The following MTMR10 variants were observed in gnomAD, a reference collection of about 807,000 sequenced individuals.
MTMR10 encodes the protein myotubularin-related protein 10.
A neutral mutation model predicts 88.1 loss-of-function variants in MTMR10; 56 were observed. That is an observed-to-expected ratio of 0.64 (90% CI 0.51 to 0.79). The LOEUF (loss-of-function observed/expected upper bound fraction) is 0.79. MTMR10 is among the 30% of genes least tolerant of loss of function. The pLI, the probability that MTMR10 is intolerant of heterozygous loss-of-function variation, is 0.00. For missense variants in MTMR10, 883 were observed against 924.7 expected, an observed-to-expected ratio of 0.95 and a Z score of 0.58; for synonymous variants, 380 against 340.9, an observed-to-expected ratio of 1.11 and a Z score of -1.26.
chr15:30,918,778 A>G, the MTMR10 span, among the ~76,000 whole-genome samples: 99,543 of 152,080 alleles, frequency 0.65, 33,165 homozygotes, highest in East Asian at 0.98. Context: ...TTCAATATTT[A>G]TTAAGACATT....
At chr15:30,974,528 T>G (rs2029968506) in intron 4 of MTMR10, 72 bp from the exon 5 acceptor site, 1 of 1,293,786 alleles carries the variant, frequency 7.7e-7, no homozygotes, top group African/African-American at 1.5e-5. Context: ...TAATACAAAT[T>G]CTTAGTGAAA....
the MTMR10 span, chr15:30,922,162 A>C: frequency 1.9e-6 from 3 of 1,550,990 alleles, no homozygotes; most frequent in East Asian, 4.5e-5. Context: ...TACCAATCCT[A>C]TGGGCTTGTA....
chr15:30,929,988 G>T, the MTMR10 span, among the ~76,000 whole-genome samples: 15 of 114,678 alleles, frequency 1.3e-4, no homozygotes, highest in African/African-American at 3.7e-4. Flanking sequence ...TAATATATAA[G>T]ATATCATATA....
At chr15:30,931,133 G>A in the MTMR10 span, among the ~76,000 whole-genome samples, 1 of 152,178 alleles carries the variant, frequency 6.6e-6, no homozygotes, top group Non-Finnish European at 1.5e-5. Context: ...GATGTGCTTA[G>A]TTCACATTGC....
chr15:30,931,018 T>C, the MTMR10 span, among the ~76,000 whole-genome samples: 1 of 152,180 alleles, frequency 6.6e-6, no homozygotes, highest in Admixed American at 6.5e-5. Context: ...CAGGAGCTAT[T>C]TTAGAAGCTT....
At chr15:30,943,487 T>C (rs2063118177) in intron 14 of MTMR10, 1 of 985,360 alleles carries the variant, frequency 1.0e-6, no homozygotes, top group Admixed American at 6.1e-5. Context: ...ACAAAATCTT[T>C]GGATGGAAAT....
At chr15:30,930,010 A>G in the MTMR10 span, among the ~76,000 whole-genome samples, 1 of 136,966 alleles carries the variant, frequency 7.3e-6, no homozygotes, top group African/African-American at 2.7e-5. Flanking sequence ...AATATAATGT[A>G]TAAAATATAT....
intron 2 of MTMR10, among the ~76,000 whole-genome samples, chr15:30,986,376 T>G (rs542893560): frequency 6.6e-6 from 1 of 151,834 alleles, no homozygotes; most frequent in African/African-American, 2.4e-5. Flanking sequence ...ATGTTCTCTG[T>G]GTGAGTGCTC....
intron 13 of MTMR10, 25 bp downstream of exon 13, chr15:30,948,277 T>C (rs2063199084): frequency 1.3e-6 from 2 of 1,596,190 alleles, no homozygotes; most frequent in Non-Finnish European, 1.7e-6. Flanking sequence ...TAAAGACTGA[T>C]AAAAAGGCAT....
In MTMR10 at chr15:30,943,566, ATCACAGACCACAGAC is replaced by A. The variant is rs111781690; in HGVS notation, c.1549-509_1549-495del. ...CACTTCACTGAGCCAGTGATCTCAA[ATCACAGACCACAGAC>A]TCAGGGTAGGAAGGAAGGGATCAAC... On this transcript the variant is annotated intron_variant, in intron 14 of 15. Transcript: ENST00000435680. 3.8e-4 allele frequency: 374 copies of A among 985,460 alleles called. 2 individuals are homozygous for A. The African/African-American group carries it at 5.4e-3, about 14-fold the overall frequency. 61.0% of individuals were successfully genotyped at this position (985,460 alleles called of 1,614,324 possible).
intron 6 of MTMR10, among the ~76,000 whole-genome samples, chr15:30,963,374 T>C (rs2063429075): frequency 6.6e-6 from 1 of 152,096 alleles, no homozygotes; most frequent in South Asian, 2.1e-4. Flanking sequence ...CTCATGCCTG[T>C]AATCCCAACA....
the MTMR10 span, among the ~76,000 whole-genome samples, chr15:30,932,807 G>A: frequency 6.7e-6 from 1 of 149,808 alleles, no homozygotes; most frequent in Admixed American, 6.7e-5. Context: ...CCGCCTCCTG[G>A]GTTCAAGTGA....
intron 12 of MTMR10, among the ~76,000 whole-genome samples, chr15:30,950,914 G>A (rs2063235653): frequency 6.6e-6 from 1 of 152,106 alleles, no homozygotes; most frequent in Non-Finnish European, 1.5e-5. Flanking sequence ...CTAATACAAT[G>A]TAAATGCTAT....
chr15:30,968,693 A>G (rs891662726), intron 5 of MTMR10, among the ~76,000 whole-genome samples: 2 of 152,284 alleles, frequency 1.3e-5, no homozygotes, highest in South Asian at 2.1e-4. Context: ...TACTTGCTAC[A>G]TAACATGTGT....
chr15:30,976,444 A>G (rs1005340346), intron 3 of MTMR10, among the ~76,000 whole-genome samples: 18 of 152,200 alleles, frequency 1.2e-4, no homozygotes, highest in African/African-American at 4.3e-4. Flanking sequence ...ACAACAAAAA[A>G]ACCTATGAAA....
intron 3 of MTMR10, 26 bp downstream of exon 3, chr15:30,976,793 T>C: frequency 6.2e-7 from 1 of 1,600,090 alleles, no homozygotes; most frequent in Non-Finnish European, 8.5e-7. Context: ...CCTGATAGAA[T>C]GAAACAGTGT....
In MTMR10 at chr15:30,940,925, C is replaced by T. The variant is rs1317019407; in HGVS notation, c.*545G>A. 9.5e-7 allele frequency: 1 copy of T among 1,050,702 alleles called. No homozygotes were observed. The highest frequency in any genetic ancestry group is 5.1e-5 in the Admixed American group (1 of 19,538). The allele number at this position is 1,050,702 out of a possible 1,614,324, so 65.1% of individuals were successfully genotyped here. ...TAAAAGCAAACTCATGATTTCAAAA[C>T]ACAGTGATCTAAGGTTCCAAAGAAG... On this transcript the variant is annotated 3_prime_UTR_variant, in exon 16 of 16. Coordinates refer to ENST00000435680, the MANE Select transcript of MTMR10 (RefSeq NM_017762.3).
At chr15:30,986,612 G>A (rs1295939636) in intron 2 of MTMR10, among the ~76,000 whole-genome samples, 1 of 151,984 alleles carries the variant, frequency 6.6e-6, no homozygotes, top group African/African-American at 2.4e-5. Context: ...CAGAATAAAA[G>A]ACAATCTTTT....
At chr15:30,964,780 G>C (rs964313831) in intron 6 of MTMR10, among the ~76,000 whole-genome samples, 3 of 152,186 alleles carry the variant, frequency 2.0e-5, no homozygotes, top group Non-Finnish European at 4.4e-5. Context: ...GACTAAGCGT[G>C]AAATAGATAT....
Sources: allele counts gnomAD v4.1 joint callset (sites outside exome capture counted in the v4.1 genomes callset), GRCh38; gene constraint gnomAD v4.1.1; transcripts MANE v1.5; gene names NCBI Gene and HGNC (gene_info 2026-07-23, HGNC 2026-07-21).